Variants in TMEM39A observed in about 807,000 individuals in gnomAD.
TMEM39A encodes the protein transmembrane protein 39A.
A neutral mutation model predicts 51.9 loss-of-function variants in TMEM39A; 19 were observed. The observed-to-expected ratio is 0.37, with a 90% confidence interval of 0.26 to 0.54. The LOEUF is 0.54. Among genes scored for constraint, TMEM39A ranks in the 20% least tolerant of loss-of-function variants. The probability of loss-of-function intolerance (pLI) is 0.88; values close to 1 mark genes in which losing one functional copy is unlikely to be tolerated. For synonymous variants in TMEM39A, 197 were observed against 220.2 expected (o/e 0.89, Z 0.93); for missense variants, 433 against 590.5 (o/e 0.73, Z 2.76).
intron 4 of TMEM39A, among the ~76,000 whole-genome samples, 175 bp downstream of exon 4, chr3:119,452,272 G>C (rs1000696652): frequency 1.2e-4 from 18 of 152,128 alleles, no homozygotes; most frequent in African/African-American, 4.1e-4. Flanking sequence ...TTTGACACTT[G>C]AATTTTAAAA....
chr3:119,457,129 C>A (rs2081276040), intron 3 of TMEM39A, among the ~76,000 whole-genome samples: 2 of 152,100 alleles, frequency 1.3e-5, no homozygotes, highest in South Asian at 4.1e-4. Flanking sequence ...TGCCATCACA[C>A]ACGGTTAATT....
At position 119,437,458 on chromosome 3, in the gene TMEM39A, T is replaced by C. The variant is rs188138843; in HGVS notation, c.924+297A>G. Among the ~76,000 whole-genome samples, 385 of 151,540 alleles carry C rather than the reference T, an allele frequency of 2.5e-3. 5 individuals carry two copies. Among genetic ancestry groups the C allele is most frequent in the Non-Finnish European group, 3.2e-4 (22 of 67,900 alleles). ...GAGTTTTACTGAAACCTTGGTCCTCTTAAGCTACTACATACTGATTCTATT... is the reference window on the plus strand; with the variant it reads ...GAGTTTTACTGAAACCTTGGTCCTCCTAAGCTACTACATACTGATTCTATT... On this transcript the variant is annotated intron_variant, in intron 6 of 8. Transcript: ENST00000319172.
chr3:119,454,568 G>C (rs2081241085), intron 3 of TMEM39A, among the ~76,000 whole-genome samples: 1 of 152,228 alleles, frequency 6.6e-6, no homozygotes, highest in East Asian at 1.9e-4. Flanking sequence ...AAGGCAGGCA[G>C]ATCATGAGGT....
At chr3:119,433,629 C>G (rs1015480623) in intron 8 of TMEM39A, among the ~76,000 whole-genome samples, 3 of 152,124 alleles carry the variant, frequency 2.0e-5, no homozygotes, top group Admixed American at 1.3e-4. Flanking sequence ...AAGGAGACAG[C>G]AAGGACCAAC....
At chr3:119,432,240 C>T in intron 8 of TMEM39A, 26 bp from the exon 9 acceptor site, 5 of 1,516,350 alleles carry the variant, frequency 3.3e-6, no homozygotes, top group South Asian at 1.2e-5. Context: ...AAAAGTAAAA[C>T]ATTATTTCAT....
chr3:119,454,358 C>G (rs2081238084), intron 3 of TMEM39A, among the ~76,000 whole-genome samples: 1 of 152,152 alleles, frequency 6.6e-6, no homozygotes, highest in African/African-American at 2.4e-5. Flanking sequence ...TGGATTCTAA[C>G]AGTATTTATC....
At chr3:119,443,134 C>T (rs113030069) in intron 5 of TMEM39A, among the ~76,000 whole-genome samples, 2,239 of 144,862 alleles carry the variant, frequency 0.015, 58 homozygotes, top group African/African-American at 0.055. Flanking sequence ...CAAACTTAAA[C>T]GGATAAGGAG....
intron 5 of TMEM39A, 113 bp downstream of exon 5, chr3:119,446,905 A>C: frequency 8.1e-7 from 1 of 1,233,528 alleles, no homozygotes; most frequent in Non-Finnish European, 1.1e-6. Context: ...CAGTTTTCTA[A>C]ATGCTTCATT....
At chr3:119,443,174 T>C (rs72970314) in intron 5 of TMEM39A, among the ~76,000 whole-genome samples, 2,796 of 152,222 alleles carry the variant, frequency 0.018, 78 homozygotes, top group African/African-American at 0.063. Flanking sequence ...AAGTTGTTTC[T>C]TGACATAAAA....
intron 2 of TMEM39A, 80 bp from the exon 3 acceptor site, chr3:119,458,320 C>A: frequency 8.6e-7 from 1 of 1,165,832 alleles, no homozygotes; most frequent in African/African-American, 1.5e-5. Context: ...GCTGTCTCCT[C>A]CATCTACCCC....
At chr3:119,463,164 G>A (rs1031036524) in intron 1 of TMEM39A, among the ~76,000 whole-genome samples, 172 bp downstream of exon 1, 3 of 152,216 alleles carry the variant, frequency 2.0e-5, no homozygotes, top group African/African-American at 7.2e-5. Flanking sequence ...AAACTGGGAC[G>A]GAAGAGGTGA....
chr3:119,435,318 A>G, intron 7 of TMEM39A: 1 of 985,420 alleles, frequency 1.0e-6, no homozygotes, highest in South Asian at 4.7e-5. Flanking sequence ...CTAGCATGAC[A>G]TTTACTGCAG....
intron 7 of TMEM39A, 75 bp downstream of exon 7, chr3:119,436,716 T>A: frequency 6.9e-7 from 1 of 1,439,766 alleles, no homozygotes; most frequent in Non-Finnish European, 9.5e-7. Context: ...AGAACAAGAA[T>A]GACATACAAA....
At chr3:119,455,733 A>T (rs1251543796) in intron 3 of TMEM39A, among the ~76,000 whole-genome samples, 1 of 152,228 alleles carries the variant, frequency 6.6e-6, no homozygotes, top group East Asian at 1.9e-4. Flanking sequence ...GTGACTTTCT[A>T]AAGAACTATA....
At chr3:119,451,709 A>G (rs1029185595) in intron 4 of TMEM39A, among the ~76,000 whole-genome samples, 4 of 151,730 alleles carry the variant, frequency 2.6e-5, no homozygotes, top group African/African-American at 9.7e-5. Flanking sequence ...GCATGCCTGT[A>G]ATCCCAGCTA....
At chr3:119,444,061 G>C (rs920493390) in intron 5 of TMEM39A, among the ~76,000 whole-genome samples, 1 of 152,034 alleles carries the variant, frequency 6.6e-6, no homozygotes, top group African/African-American at 2.4e-5. Flanking sequence ...ACATCTCTGA[G>C]GTATGCCTGT....
intron 8 of TMEM39A, among the ~76,000 whole-genome samples, chr3:119,432,936 C>T (rs748411167): frequency 1.3e-5 from 2 of 152,098 alleles, no homozygotes; most frequent in Non-Finnish European, 2.9e-5. Context: ...GGGATTACTA[C>T]TATATTTACT....
At chr3:119,461,915 C>A (rs773216059) in intron 2 of TMEM39A, 47 bp downstream of exon 2, 1 of 1,421,760 alleles carries the variant, frequency 7.0e-7, no homozygotes, top group Non-Finnish European at 9.8e-7. Context: ...GTTAGTCTTA[C>A]TGATCAAAGG....
intron 5 of TMEM39A, among the ~76,000 whole-genome samples, chr3:119,442,849 T>A (rs1379768802): frequency 6.6e-6 from 1 of 151,862 alleles, no homozygotes; most frequent in Non-Finnish European, 1.5e-5. Context: ...CACTTGAGCC[T>A]AGGAGTTCGA....
Sources: allele counts gnomAD v4.1 joint callset (sites outside exome capture counted in the v4.1 genomes callset), GRCh38; gene constraint gnomAD v4.1.1; transcripts MANE v1.5; gene names NCBI Gene and HGNC (gene_info 2026-07-23, HGNC 2026-07-21).